Variants in PBRM1 observed in about 807,000 individuals in gnomAD.
PBRM1 encodes polybromo 1, also known as protein polybromo-1.
A neutral mutation model predicts 194.5 loss-of-function variants in PBRM1; 27 were observed. The observed-to-expected ratio is 0.14, with a 90% confidence interval of 0.10 to 0.19. PBRM1 has a LOEUF of 0.19. PBRM1 is among the 10% of genes least tolerant of loss of function. The probability of loss-of-function intolerance (pLI) is 1.00; values close to 1 mark genes in which losing one functional copy is unlikely to be tolerated. For missense variants in PBRM1, 1,466 were observed against 2,077.2 expected (o/e 0.71, Z 5.72); for synonymous variants, 655 against 693.2 (o/e 0.94, Z 0.87).
intron 5 of PBRM1, among the ~76,000 whole-genome samples, chr3:52,656,590 G>A (rs1220891227): frequency 1.1e-4 from 17 of 151,738 alleles, no homozygotes; most frequent in African/African-American, 3.2e-4. Flanking sequence ...GCTTGAACTC[G>A]GGAGGCGGAG....
chr3:52,631,308 T>TA (rs200044287), intron 11 of PBRM1, among the ~76,000 whole-genome samples: 6,015 of 139,410 alleles, frequency 0.043, 371 homozygotes, highest in African/African-American at 0.14. Flanking sequence ...CTTTCTCTAT[T>TA]AAAAAAAAAA....
At chr3:52,628,668 C>T (rs757216415) in intron 12 of PBRM1, among the ~76,000 whole-genome samples, 2 of 151,712 alleles carry the variant, frequency 1.3e-5, no homozygotes, top group Admixed American at 1.3e-4. Flanking sequence ...ATGGGGGTCT[C>T]GCTATGTTGC....
At chr3:52,639,493 G>A (rs1317413575) in intron 10 of PBRM1, among the ~76,000 whole-genome samples, 7 of 150,482 alleles carry the variant, frequency 4.7e-5, no homozygotes, top group African/African-American at 1.7e-4. Flanking sequence ...ACGACTCATT[G>A]TAGCCTCAAC....
At chr3:52,611,857 C>T (rs1481248559) in intron 15 of PBRM1, among the ~76,000 whole-genome samples, 1 of 151,954 alleles carries the variant, frequency 6.6e-6, no homozygotes, top group Non-Finnish European at 1.5e-5. Flanking sequence ...CATATGGATG[C>T]AATCAGCAAA....
chr3:52,616,332 G>C (rs10510760), intron 14 of PBRM1, among the ~76,000 whole-genome samples: 2 of 152,036 alleles, frequency 1.3e-5, no homozygotes, highest in Non-Finnish European at 2.9e-5. Context: ...TGGATAAAAA[G>C]ATATCAAATA....
chr3:52,667,486 C>T (rs62255364), intron 3 of PBRM1, among the ~76,000 whole-genome samples: 51,685 of 151,572 alleles, frequency 0.34, 9,756 homozygotes, highest in Admixed American at 0.46. Flanking sequence ...GGCATGGTCG[C>T]TCACGCCTGT....
At chr3:52,566,340 G>A (rs1001848245) in intron 22 of PBRM1, among the ~76,000 whole-genome samples, 10 of 151,958 alleles carry the variant, frequency 6.6e-5, no homozygotes, top group African/African-American at 2.2e-4. Flanking sequence ...CTATTTCTAG[G>A]TATATATCCA....
chr3:52,672,491 C>CTTTTTT (rs34792299), intron 2 of PBRM1, among the ~76,000 whole-genome samples: 20 of 103,844 alleles, frequency 1.9e-4, no homozygotes, highest in African/African-American at 2.8e-4. Context: ...TTTTTTTTGG[C>CTTTTTT]TTTTTTTTTT....
intron 17 of PBRM1, 95 bp from the exon 20 acceptor site, chr3:52,589,350 C>G (rs2092781121): frequency 1.6e-6 from 1 of 634,364 alleles, no homozygotes; most frequent in African/African-American, 1.9e-5. Context: ...ACTAATAATA[C>G]ATTTAATACA....
chr3:52,579,074 C>G (rs2153684868), exon 21 of PBRM1: 1 of 1,614,178 alleles, frequency 6.2e-7, no homozygotes, highest in Non-Finnish European at 8.5e-7. Context: ...GAGGACGCAC[C>G]AGGCCATGGG....
At chr3:52,563,296 T>C (rs369597128) in exon 24 of PBRM1, 55 of 1,613,678 alleles carry the variant, frequency 3.4e-5, no homozygotes, top group Non-Finnish European at 4.5e-5. Flanking sequence ...TGGGGGTGTG[T>C]AGGGCATGAG....
intron 22 of PBRM1, among the ~76,000 whole-genome samples, chr3:52,575,223 A>AAACC (rs754548873): frequency 6.3e-5 from 8 of 127,520 alleles, no homozygotes; most frequent in East Asian, 4.7e-4. Context: ...TCTTTAAAAC[A>AAACC]AACCAAACAA....
At chr3:52,598,654 AG>A (rs1560217030) in intron 17 of PBRM1, among the ~76,000 whole-genome samples, 1 of 152,030 alleles carries the variant, frequency 6.6e-6, no homozygotes, top group Non-Finnish European at 1.5e-5. Flanking sequence ...GAATCTCAGG[AG>A]GGGGGATCCC....
chr3:52,634,557 C>T (rs2153641950), intron 11 of PBRM1, 45 bp downstream of exon 12: 1 of 1,258,948 alleles, frequency 7.9e-7, no homozygotes, highest in Non-Finnish European at 1.2e-6. Flanking sequence ...CAGGCTCAGC[C>T]ACAACAAAAT....
intron 2 of PBRM1, among the ~76,000 whole-genome samples, chr3:52,674,651 T>A (rs1431011184): frequency 1.4e-5 from 2 of 139,590 alleles, no homozygotes; most frequent in African/African-American, 5.6e-5. Context: ...AAAATATATA[T>A]ATATATATAT....
rs763034121 is a variant in PBRM1, at chr3:52,608,351, A to T, written c.2567+962T>A. Among the ~76,000 whole-genome samples, 38 of 152,242 alleles carry T rather than the reference A, an allele frequency of 2.5e-4. 3 individuals carry two copies. On this transcript the variant is annotated intron_variant, in intron 16 of 29. Transcript: ENST00000296302. The stretch of plus-strand genomic sequence containing the variant: ...CTTTCACATGCAAACTGAAAAGATT[A>T]TCACTTATCTAGAATGGCTATCATA...
intron 24 of PBRM1, 39 bp downstream of exon 26, chr3:52,563,244 G>A: frequency 6.6e-7 from 1 of 1,519,286 alleles, no homozygotes; most frequent in Non-Finnish European, 9.1e-7. Context: ...CAAACCAAAG[G>A]TGGTAATAAG....
At chr3:52,652,459 C>T (rs140549657) in intron 5 of PBRM1, among the ~76,000 whole-genome samples, 5,285 of 150,454 alleles carry the variant, frequency 0.035, 125 homozygotes, top group Middle Eastern at 0.059. Flanking sequence ...GAGGCCGAGG[C>T]GGGTGGTTCA....
intron 17 of PBRM1, among the ~76,000 whole-genome samples, chr3:52,601,194 C>A (rs747843874): frequency 6.6e-6 from 1 of 152,196 alleles, no homozygotes; most frequent in Non-Finnish European, 1.5e-5. Context: ...GTAGTGTAAT[C>A]TCTGTATGAT....
Sources: allele counts gnomAD v4.1 joint callset (sites outside exome capture counted in the v4.1 genomes callset), GRCh38; gene constraint gnomAD v4.1.1; transcripts MANE v1.5; gene names NCBI Gene and HGNC (gene_info 2026-07-23, HGNC 2026-07-21).